Variants in RYR3 observed in about 807,000 individuals in gnomAD.
RYR3 encodes the protein brain ryanodine receptor-calcium release channel.
A neutral mutation model predicts 584.3 loss-of-function variants in RYR3; 207 were observed. The ratio of observed to expected loss-of-function variants is 0.35; its 90% CI spans 0.32 to 0.40. The LOEUF is 0.40. Ranked by LOEUF, RYR3 falls within the 10% of genes least tolerant of loss-of-function variation. The probability of loss-of-function intolerance (pLI) is 1.00; values close to 1 mark genes in which losing one functional copy is unlikely to be tolerated. For missense variants in RYR3, 5,616 were observed against 6,089.2 expected, an observed-to-expected ratio of 0.92 and a Z score of 2.59; for synonymous variants, 2,416 against 2,248.5, an observed-to-expected ratio of 1.07 and a Z score of -2.11.
rs1165931850 is a variant in RYR3 at position 33,781,705 on chromosome 15, T to C, written c.9268+1364T>C. Among the ~76,000 whole-genome samples, 8 of 152,184 alleles carry C rather than the reference T, an allele frequency of 5.3e-5. No homozygotes were observed. In the East Asian group the frequency reaches 1.5e-3, roughly 29 times the overall value. ...AATCTTTCACTGAGCTAGAATACAG[T>C]GGAGACTAGTGTTCTCAGAGGTAGT... On this transcript the variant is annotated intron_variant, in intron 65 of 103. Transcript: ENST00000634891.
intron 55 of RYR3, 40 bp from the exon 56 acceptor site, chr15:33,749,939 T>C (rs756920922): frequency 6.3e-7 from 1 of 1,589,258 alleles, no homozygotes; most frequent in South Asian, 1.1e-5. Flanking sequence ...GCTTGCCTGC[T>C]TTCTTTCTTT....
intron 10 of RYR3, among the ~76,000 whole-genome samples, chr15:33,554,589 C>T (rs571577232): frequency 1.3e-5 from 2 of 152,310 alleles, no homozygotes; most frequent in African/African-American, 4.8e-5. Flanking sequence ...AGCCACTGTG[C>T]CTGGCCAACC....
intron 1 of RYR3, among the ~76,000 whole-genome samples, chr15:33,443,149 C>T (rs1040183662): frequency 6.6e-6 from 1 of 151,948 alleles, no homozygotes; most frequent in Non-Finnish European, 1.5e-5. Context: ...ATCCCAGCTA[C>T]TCTGGAGGCT....
chr15:33,337,655 A>G (rs1254901009), intron 1 of RYR3, among the ~76,000 whole-genome samples: 1 of 152,202 alleles, frequency 6.6e-6, no homozygotes, highest in Non-Finnish European at 1.5e-5. Flanking sequence ...ATGAAGAAAA[A>G]CTATTTCATC....
Position 33,516,192 on chromosome 15 carries a change from A to G in RYR3, c.279+12454A>G, listed in dbSNP as rs1266559485. Reference sequence around the variant, plus strand: ...AATAATCAAGAGATTTCTGTATTCCAGCTTCCCCCATGTTTTATTCAATAT... The same window carrying G: ...AATAATCAAGAGATTTCTGTATTCCGGCTTCCCCCATGTTTTATTCAATAT... On this transcript the variant is annotated intron_variant, in intron 3 of 103. Transcript: ENST00000634891. Among the ~76,000 whole-genome samples, 7 of 152,174 alleles carry G rather than the reference A, an allele frequency of 4.6e-5. No individual in the cohort carries two copies. In the South Asian group the frequency reaches 1.5e-3, roughly 32 times the overall value.
intron 99 of RYR3, 40 bp from the exon 100 acceptor site, chr15:33,859,535 T>C (rs763940376): frequency 1.2e-6 from 2 of 1,610,748 alleles, no homozygotes; most frequent in Non-Finnish European, 1.7e-6. Flanking sequence ...AAAACAGAAC[T>C]GTGACTTTTG....
chr15:33,864,421 G>A (rs1029502941), intron 103 of RYR3, among the ~76,000 whole-genome samples: 10 of 151,178 alleles, frequency 6.6e-5, no homozygotes, highest in African/African-American at 2.2e-4. Context: ...TAGAAGAGCT[G>A]GAGGTGGGGA....
intron 1 of RYR3, among the ~76,000 whole-genome samples, chr15:33,315,512 A>T (rs1968039398): frequency 6.6e-6 from 1 of 152,082 alleles, no homozygotes; most frequent in African/African-American, 2.4e-5. Context: ...CTGCTGAGTT[A>T]TGTTTGAGGA....
chr15:33,525,531 G>A (rs1295033115), intron 3 of RYR3, among the ~76,000 whole-genome samples: 1 of 152,158 alleles, frequency 6.6e-6, no homozygotes, highest in East Asian at 1.9e-4. Flanking sequence ...TTCTCATCCT[G>A]TAACAAAGTA....
At position 33,360,253 on chromosome 15, in the gene RYR3, C is replaced by T. The variant is rs569447360; in HGVS notation, c.51+49157C>T. Among the ~76,000 whole-genome samples the T allele has an allele frequency of 3.3e-5, 5 of 151,934 alleles. No individual in the cohort carries two copies. The South Asian group carries it at 8.4e-4, about 25-fold the overall frequency. ...CGTGAGATAGGACAGTTTCCCCCACCCCTCCACAGTCAGTCCCTGCCCATC... is the reference window on the plus strand; with the variant it reads ...CGTGAGATAGGACAGTTTCCCCCACTCCTCCACAGTCAGTCCCTGCCCATC... On this transcript the variant is annotated intron_variant, in intron 1 of 103. Coordinates refer to ENST00000634891, the MANE Select transcript of RYR3 (RefSeq NM_001036.6).
chr15:33,684,733 T>G (rs1185126213), intron 38 of RYR3, among the ~76,000 whole-genome samples: 1 of 152,202 alleles, frequency 6.6e-6, no homozygotes, highest in African/African-American at 2.4e-5. Flanking sequence ...GGGAAGCCCA[T>G]TAGACTAACA....
intron 1 of RYR3, among the ~76,000 whole-genome samples, chr15:33,399,005 T>C (rs1301946791): frequency 1.3e-5 from 2 of 152,162 alleles, no homozygotes; most frequent in Non-Finnish European, 2.9e-5. Context: ...TACCATTAGA[T>C]GTTAATCCAG....
chr15:33,730,708 A>G (rs1264688186), intron 47 of RYR3, among the ~76,000 whole-genome samples: 1 of 152,238 alleles, frequency 6.6e-6, no homozygotes, highest in East Asian at 1.9e-4. Flanking sequence ...AGATGGTGGT[A>G]AAGCATGCTT....
intron 1 of RYR3, among the ~76,000 whole-genome samples, chr15:33,323,675 G>A (rs886653784): frequency 6.6e-6 from 1 of 152,192 alleles, no homozygotes; most frequent in Non-Finnish European, 1.5e-5. Flanking sequence ...CTGTGGGTGT[G>A]CATGCATTTG....
intron 1 of RYR3, among the ~76,000 whole-genome samples, chr15:33,313,445 C>T (rs1024547582): frequency 1.3e-5 from 2 of 152,114 alleles, no homozygotes; most frequent in Non-Finnish European, 2.9e-5. Flanking sequence ...TCTGTGAATT[C>T]GACAAAATGA....
intron 1 of RYR3, among the ~76,000 whole-genome samples, chr15:33,409,035 G>A (rs529255572): frequency 5.3e-5 from 8 of 152,196 alleles, no homozygotes; most frequent in South Asian, 4.1e-4. Context: ...CCTAAATACC[G>A]CTTTCTCATA....
At chr15:33,370,541 T>C (rs2040256443) in intron 1 of RYR3, among the ~76,000 whole-genome samples, 1 of 152,184 alleles carries the variant, frequency 6.6e-6, no homozygotes, top group Non-Finnish European at 1.5e-5. Flanking sequence ...GATTCTCATC[T>C]TTCATGTAGG....
At chr15:33,835,381 C>T (rs6495271) in intron 87 of RYR3, among the ~76,000 whole-genome samples, 133,208 of 152,002 alleles carry the variant, frequency 0.88, 58,928 homozygotes, top group Non-Finnish European at 0.95. Flanking sequence ...GCCACCATTT[C>T]GTCAACTTAC....
intron 1 of RYR3, among the ~76,000 whole-genome samples, chr15:33,331,186 C>A (rs1417824151): frequency 6.6e-6 from 1 of 152,154 alleles, no homozygotes; most frequent in Admixed American, 6.5e-5. Context: ...TTTTTCTCGA[C>A]AAATATACTT....
Sources: allele counts gnomAD v4.1 joint callset (sites outside exome capture counted in the v4.1 genomes callset), GRCh38; gene constraint gnomAD v4.1.1; transcripts MANE v1.5; gene names NCBI Gene and HGNC (gene_info 2026-07-23, HGNC 2026-07-21).